PATJ: variants seen among roughly 807,000 people sequenced by gnomAD.
PATJ encodes PATJ crumbs cell polarity complex component, also known as inaD-like protein.
A neutral mutation model predicts 224.9 loss-of-function variants in PATJ; 190 were observed. That is an observed-to-expected ratio of 0.84 (90% CI 0.75 to 0.95). PATJ has a LOEUF of 0.95. Among genes scored for constraint, PATJ ranks in the 40% least tolerant of loss-of-function variants. PATJ has a pLI of 0.00. For missense variants in PATJ, 2,121 were observed against 2,270.3 expected (o/e 0.93, Z 1.34); for synonymous variants, 769 against 820.3 (o/e 0.94, Z 1.07).
intron 8 of PATJ, 52 bp from the exon 9 acceptor site, chr1:61,791,296 C>A: frequency 9.6e-7 from 1 of 1,042,858 alleles, no homozygotes; most frequent in African/African-American, 1.6e-5. Flanking sequence ...TGACTATGTA[C>A]ACACAGGTAT....
In PATJ at chr1:62,086,699, T is replaced by C. The variant is rs1660032229; in HGVS notation, c.4377+2051T>C. Among the ~76,000 whole-genome samples, 1 of 152,162 alleles carries C rather than the reference T, an allele frequency of 6.6e-6. No individual in the cohort carries two copies. The highest frequency in any genetic ancestry group is 2.4e-5 in the African/African-American group (1 of 41,436). Reference sequence around the variant, plus strand: ...AGCACTAGGAAACTCAAGAACAGCATAGGCGATAGAAACCAGGGTCTTGAT... The same window carrying C: ...AGCACTAGGAAACTCAAGAACAGCACAGGCGATAGAAACCAGGGTCTTGAT... On this transcript the variant is annotated intron_variant, in intron 33 of 43. Coordinates refer to ENST00000642238, the MANE Select transcript of PATJ (RefSeq NM_001350145.3). This position sits in a 1 kb window ranked among gnomAD's most constrained non-coding sequence, Gnocchi z 4.0.
Position 62,050,961 on chromosome 1 carries a change from C to T in PATJ, c.4033-5C>T, listed in dbSNP as rs762737571. 5 of 1,610,746 alleles carry T rather than the reference C, an allele frequency of 3.1e-6. No homozygotes were observed. Among genetic ancestry groups the T allele is most frequent in the Admixed American group, 1.7e-5 (1 of 59,892 alleles). The stretch of plus-strand genomic sequence containing the variant: ...CTTTGCCATTTTCTTTTTAACGTTC[C>T]ATAGGATCAGAGCGGCACCGAACCT... On this transcript the variant is annotated splice_region_variant and splice_polypyrimidine_tract_variant and intron_variant, in intron 30 of 43. Coordinates refer to ENST00000642238, the MANE Select transcript of PATJ (RefSeq NM_001350145.3).
At chr1:61,758,839 T>C (rs112065756) in intron 1 of PATJ, among the ~76,000 whole-genome samples, 2 of 152,174 alleles carry the variant, frequency 1.3e-5, no homozygotes, top group African/African-American at 4.8e-5. Context: ...TAGCTCACTA[T>C]AGCCTCAAAC....
chr1:61,967,426 A>G (rs183807511), intron 27 of PATJ, among the ~76,000 whole-genome samples: 24 of 152,336 alleles, frequency 1.6e-4, no homozygotes, highest in East Asian at 1.2e-3. Context: ...GAAGCATTCA[A>G]TGTCTGCTTT....
At chr1:61,854,389 T>C (rs1033288977) in intron 17 of PATJ, among the ~76,000 whole-genome samples, 3 of 152,166 alleles carry the variant, frequency 2.0e-5, no homozygotes, top group African/African-American at 7.2e-5. Flanking sequence ...TTCTCTCCCT[T>C]GCTAAGTTAG....
chr1:61,991,684 A>C (rs1645073233), intron 28 of PATJ: 8 of 984,364 alleles, frequency 8.1e-6, no homozygotes, highest in Non-Finnish European at 9.6e-6. Context: ...CTTTTATAAT[A>C]TAGCACCACG....
chr1:61,797,123 C>T (rs977920539), intron 10 of PATJ, among the ~76,000 whole-genome samples, 164 bp from the exon 11 acceptor site: 1 of 152,164 alleles, frequency 6.6e-6, no homozygotes, highest in African/African-American at 2.4e-5. Flanking sequence ...ATCCACCCAC[C>T]TTGACCTACC....
At chr1:62,073,175 T>C in intron 31 of PATJ, 1 of 985,386 alleles carries the variant, frequency 1.0e-6, no homozygotes, top group Non-Finnish European at 1.2e-6. Flanking sequence ...AAGGAGGTGA[T>C]TGCAATGAGA....
At chr1:61,914,100 T>C (rs964226810) in intron 25 of PATJ, among the ~76,000 whole-genome samples, 6 of 152,248 alleles carry the variant, frequency 3.9e-5, no homozygotes, top group African/African-American at 1.4e-4. Context: ...CTTCTCATAC[T>C]TTTACTCTTT....
chr1:61,908,449 G>A lies in PATJ; in HGVS notation c.3459G>A (p.Val1153=), dbSNP rs1470287904. The change falls in exon 25 of 44, where the codon GTG becomes GTA. Residue 1153 remains valine, a synonymous_variant. Transcript: ENST00000642238. ...TTAAGAATGCAGGAAACCCTGTGGTGTTCATTGTTCAGAGTTTGTCATCCA... is the reference window on the plus strand; with the variant it reads ...TTAAGAATGCAGGAAACCCTGTGGTATTCATTGTTCAGAGTTTGTCATCCA... ...EAIKNAGNPV[V]FIVQSLSSTP... 1.2e-6 allele frequency: 2 copies of A among 1,613,722 alleles called. No individual in the cohort carries two copies. Among genetic ancestry groups the A allele is most frequent in the Admixed American group, 1.7e-5 (1 of 59,988 alleles).
intron 6 of PATJ, among the ~76,000 whole-genome samples, chr1:61,773,031 C>CT (rs1491301928): frequency 2.0e-5 from 3 of 151,798 alleles, no homozygotes; most frequent in African/African-American, 4.8e-5. Flanking sequence ...CCCAATATTG[C>CT]TTTTTTTTGA....
intron 41 of PATJ, among the ~76,000 whole-genome samples, chr1:62,141,611 G>A (rs1261432870): frequency 4.0e-5 from 6 of 151,802 alleles, no homozygotes; most frequent in Non-Finnish European, 2.9e-5. Context: ...GGAGGTGGAG[G>A]TTACAGTGAG....
At chr1:62,048,535 G>C (rs1652958572) in intron 30 of PATJ, among the ~76,000 whole-genome samples, 1 of 105,262 alleles carries the variant, frequency 9.5e-6, no homozygotes, top group African/African-American at 3.4e-5. Context: ...GACAGAGCGA[G>C]ACTCTGTCTC....
At chr1:61,773,819 C>T (rs1454628478) in intron 6 of PATJ, among the ~76,000 whole-genome samples, 1 of 150,820 alleles carries the variant, frequency 6.6e-6, no homozygotes, top group Non-Finnish European at 1.5e-5. Context: ...AAAAAACACC[C>T]CACCTCTACA....
intron 7 of PATJ, among the ~76,000 whole-genome samples, chr1:61,780,517 C>T (rs1647190995): frequency 1.3e-5 from 2 of 152,156 alleles, no homozygotes; most frequent in African/African-American, 4.8e-5. Context: ...ACACAATATT[C>T]TTTAAGGATT....
chr1:61,981,920 T>C (rs534094325), intron 27 of PATJ, among the ~76,000 whole-genome samples: 1 of 152,182 alleles, frequency 6.6e-6, no homozygotes, highest in East Asian at 1.9e-4. Flanking sequence ...CCACCCGCCT[T>C]GGCCTCCCAA....
At chr1:62,137,398 A>G (rs1426174553) in intron 41 of PATJ, among the ~76,000 whole-genome samples, 9 of 98,798 alleles carry the variant, frequency 9.1e-5, no homozygotes, top group African/African-American at 3.7e-4. Context: ...GGGGGAACAT[A>G]GAATGAGGGG....
At chr1:61,936,235 C>CAT (rs1433251705) in intron 27 of PATJ, among the ~76,000 whole-genome samples, 3 of 138,766 alleles carry the variant, frequency 2.2e-5, no homozygotes. Context: ...AATATATATA[C>CAT]ATATATATTT....
intron 41 of PATJ, among the ~76,000 whole-genome samples, chr1:62,136,683 G>C (rs866942814): frequency 2.1e-4 from 25 of 120,666 alleles, no homozygotes; most frequent in Admixed American, 3.6e-4. Context: ...GTGTGTGTGT[G>C]TGTGTGTGTC....
Sources: gnomAD v4.1 joint callset for allele counts (sites outside exome capture counted in the v4.1 genomes callset) on GRCh38, gnomAD v4.1.1 for gene constraint, Gnocchi (gnomAD v3.1) non-coding constraint, MANE v1.5 for transcripts, NCBI Gene and HGNC (gene_info 2026-07-23, HGNC 2026-07-21) for gene names.